The following SLC39A11 variants were observed in gnomAD, a reference collection of about 807,000 sequenced individuals.
The protein encoded by SLC39A11 is solute carrier family 39 member 11.
Under a neutral mutation model 36.1 loss-of-function variants are expected in SLC39A11, and 33 were observed. The observed-to-expected ratio is 0.91, with a 90% confidence interval of 0.69 to 1.22. The LOEUF (loss-of-function observed/expected upper bound fraction) is 1.22. Ranked by LOEUF, SLC39A11 falls within the 50% of genes most tolerant of loss-of-function variation. The probability of loss-of-function intolerance (pLI) is 0.00; values close to 1 mark genes in which losing one functional copy is unlikely to be tolerated. For missense variants in SLC39A11, 432 were observed against 430.3 expected (o/e 1.00, Z -0.03); for synonymous variants, 166 against 170.3 (o/e 0.97, Z 0.20).
At chr17:73,050,077 C>T (rs2059442101) in intron 3 of SLC39A11, among the ~76,000 whole-genome samples, 1 of 152,106 alleles carries the variant, frequency 6.6e-6, no homozygotes, top group Admixed American at 6.6e-5. Flanking sequence ...GCTGAGATTG[C>T]ACCACTGCAC....
intron 7 of SLC39A11, among the ~76,000 whole-genome samples, chr17:72,701,660 G>A (rs991128465): frequency 1.1e-4 from 16 of 148,724 alleles, no homozygotes; most frequent in Non-Finnish European, 2.1e-4. Context: ...CCTGGGAGGC[G>A]GAGGTTGCAG....
At chr17:72,777,427 G>C (rs1013438691) in intron 6 of SLC39A11, among the ~76,000 whole-genome samples, 7 of 152,118 alleles carry the variant, frequency 4.6e-5, no homozygotes, top group African/African-American at 1.7e-4. Flanking sequence ...CTTTACAGAT[G>C]TAAACAGTCA....
At chr17:72,736,584 G>A in intron 7 of SLC39A11, 66 bp downstream of exon 7, 1 of 1,373,762 alleles carries the variant, frequency 7.3e-7, no homozygotes, top group South Asian at 1.2e-5. Context: ...CCACCCAGGT[G>A]ACACGCACAC....
intron 4 of SLC39A11, among the ~76,000 whole-genome samples, chr17:72,997,941 T>A (rs2089612157): frequency 6.6e-6 from 1 of 152,176 alleles, no homozygotes; most frequent in Admixed American, 6.5e-5. Context: ...TTCCTTTAGA[T>A]GAAAAGGTAA....
At chr17:72,921,576 A>G (rs1015425417) in intron 5 of SLC39A11, among the ~76,000 whole-genome samples, 2 of 152,230 alleles carry the variant, frequency 1.3e-5, no homozygotes. Flanking sequence ...AGGACATTCT[A>G]TGAAATGCTG....
chr17:72,930,382 A>G (rs1567972479), intron 5 of SLC39A11, among the ~76,000 whole-genome samples: 2 of 152,212 alleles, frequency 1.3e-5, no homozygotes, highest in African/African-American at 4.8e-5. Flanking sequence ...TGGTCAGATC[A>G]TAGGATCCTG....
rs73349336 is a variant in SLC39A11, at chr17:72,973,540, A to C, written c.307-25665T>G. 2.1e-3 allele frequency among the ~76,000 whole-genome samples: 320 copies of C among 152,312 alleles called. 2 individuals are homozygous for C. Among genetic ancestry groups the C allele is most frequent in the African/African-American group, 7.3e-3 (302 of 41,574 alleles). ...GATCAAACAGAATTGGAGTTCTGTT[A>C]GAAAGACAAAAGGATAAGTGGATTT... On this transcript the variant is annotated intron_variant, in intron 4 of 9. Transcript: ENST00000255559.
chr17:72,854,362 A>T (rs2079531913), intron 5 of SLC39A11, among the ~76,000 whole-genome samples: 2 of 152,026 alleles, frequency 1.3e-5, no homozygotes, highest in Admixed American at 1.3e-4. Context: ...TTGCTTGCCA[A>T]AAAAGGTAGT....
In SLC39A11 at chr17:73,031,641, C is replaced by T. The variant is rs920624870; in HGVS notation, c.221G>A (p.Gly74Asp). ...AGCCACAGGGAAGAAGGCAAAGGCA[C>T]CGAAGCCCCCAGAGGACGTGGCCAT... ...VEMATSSGGF[G>D]AFAFFPVAVG... Residue 74 changes from glycine (G) to aspartate (D), a missense_variant, in exon 4 of 10, where the codon GGT becomes GAT. Transcript: ENST00000255559. 3.1e-6 allele frequency: 5 copies of T among 1,614,026 alleles called. No homozygotes were observed. The African/African-American group carries it at 5.3e-5, about 17-fold the overall frequency.
At chr17:73,007,747 A>G (rs935803556) in intron 4 of SLC39A11, among the ~76,000 whole-genome samples, 4 of 152,084 alleles carry the variant, frequency 2.6e-5, no homozygotes, top group Non-Finnish European at 5.9e-5. Context: ...AAAGAGGAAA[A>G]AGGCCTGGAC....
At chr17:72,774,995 A>AG (rs142555828) in intron 6 of SLC39A11, among the ~76,000 whole-genome samples, 4,228 of 149,306 alleles carry the variant, frequency 0.028, 214 homozygotes, top group African/African-American at 0.099. Flanking sequence ...CTGGCTACAA[A>AG]GAAAAAAAAA....
intron 4 of SLC39A11, among the ~76,000 whole-genome samples, chr17:72,957,638 G>A (rs369694253): frequency 3.9e-5 from 6 of 152,316 alleles, no homozygotes; most frequent in Admixed American, 2.0e-4. Flanking sequence ...GGCCAACATG[G>A]CAAAATCCCA....
At chr17:72,740,317 A>G (rs907653315) in intron 6 of SLC39A11, among the ~76,000 whole-genome samples, 1 of 151,972 alleles carries the variant, frequency 6.6e-6, no homozygotes. Flanking sequence ...TGCCCACCTC[A>G]GCCTCCCAAA....
intron 4 of SLC39A11, among the ~76,000 whole-genome samples, chr17:73,014,664 C>T (rs758408728): frequency 1.1e-4 from 17 of 152,160 alleles, no homozygotes; most frequent in Non-Finnish European, 2.2e-4. Context: ...CACAAAAAAC[C>T]ATGCGGATGG....
chr17:72,676,753 T>C (rs1304626582), intron 7 of SLC39A11, among the ~76,000 whole-genome samples: 4 of 152,146 alleles, frequency 2.6e-5, no homozygotes, highest in Non-Finnish European at 5.9e-5. Flanking sequence ...GCTTCACTTA[T>C]GGAAGTCTAG....
At chr17:72,805,847 C>T (rs1006926651) in intron 6 of SLC39A11, among the ~76,000 whole-genome samples, 3 of 151,518 alleles carry the variant, frequency 2.0e-5, no homozygotes, top group Non-Finnish European at 4.4e-5. Flanking sequence ...CTCCTGGGTT[C>T]AAGCAATTCT....
chr17:72,813,085 G>A (rs1038881681), intron 6 of SLC39A11, among the ~76,000 whole-genome samples: 1 of 152,214 alleles, frequency 6.6e-6, no homozygotes, highest in Non-Finnish European at 1.5e-5. Flanking sequence ...TCTTTGAAGA[G>A]ACTGCCCATA....
intron 7 of SLC39A11, among the ~76,000 whole-genome samples, chr17:72,688,290 A>T (rs1361379318): frequency 6.6e-6 from 1 of 152,230 alleles, no homozygotes; most frequent in African/African-American, 2.4e-5. Context: ...TTGGAGCTAG[A>T]AGCTGGTGCC....
chr17:72,777,679 T>G (rs576451739), intron 6 of SLC39A11, among the ~76,000 whole-genome samples: 25 of 152,256 alleles, frequency 1.6e-4, no homozygotes, highest in African/African-American at 5.8e-4. Flanking sequence ...CATGGCCCTG[T>G]GGACACCCTG....
Sources: allele counts gnomAD v4.1 joint callset (sites outside exome capture counted in the v4.1 genomes callset), GRCh38; gene constraint gnomAD v4.1.1; transcripts MANE v1.5; gene names NCBI Gene and HGNC (gene_info 2026-07-23, HGNC 2026-07-21).